The following SNRK variants were observed in gnomAD, a reference collection of about 807,000 sequenced individuals.
SNRK encodes the protein SNF related kinase, also known as SNF-related serine/threonine-protein kinase.
In SNRK, 3 loss-of-function variants were observed where a neutral mutation model predicts 48.2. The observed-to-expected ratio is 0.06, with a 90% CI of 0.03 to 0.16. The LOEUF (loss-of-function observed/expected upper bound fraction) is 0.16, where lower values mean the gene tolerates loss of function less well. SNRK is among the 10% of genes least tolerant of loss of function. SNRK has a pLI of 1.00. For synonymous variants in SNRK, 376 were observed against 366.1 expected, an observed-to-expected ratio of 1.03 and a Z score of -0.31; for missense variants, 627 against 976.0, an observed-to-expected ratio of 0.64 and a Z score of 4.76.
intron 1 of SNRK, among the ~76,000 whole-genome samples, chr3:43,291,585 A>G (rs2090812998): frequency 1.3e-5 from 2 of 152,196 alleles, no homozygotes. Context: ...ACACCCTGCT[A>G]ATATATATTA....
intron 4 of SNRK, among the ~76,000 whole-genome samples, chr3:43,338,123 C>A: frequency 6.6e-6 from 1 of 152,274 alleles, no homozygotes; most frequent in South Asian, 2.1e-4. Context: ...AATAACTTTT[C>A]AAATGCCACA....
intron 3 of SNRK, among the ~76,000 whole-genome samples, chr3:43,306,654 G>A (rs1009357475): frequency 6.6e-6 from 1 of 152,074 alleles, no homozygotes; most frequent in African/African-American, 2.4e-5. Flanking sequence ...CTATTTAGAA[G>A]ACAATTTGGC....
chr3:43,315,469 G>A (rs1334218104), intron 3 of SNRK, among the ~76,000 whole-genome samples: 1 of 152,122 alleles, frequency 6.6e-6, no homozygotes, highest in Non-Finnish European at 1.5e-5. Flanking sequence ...CTTCCCAGAG[G>A]CAGAATTTGT....
At chr3:43,295,032 T>C (rs1488689317) in intron 1 of SNRK, among the ~76,000 whole-genome samples, 1 of 152,248 alleles carries the variant, frequency 6.6e-6, no homozygotes, top group African/African-American at 2.4e-5. Flanking sequence ...ACCATACTAA[T>C]TTTTAAGTCC....
At chr3:43,321,704 ACGGTGTGCG>A in intron 3 of SNRK, among the ~76,000 whole-genome samples, 1 of 152,220 alleles carries the variant, frequency 6.6e-6, no homozygotes, top group Non-Finnish European at 1.5e-5. Context: ...CTTAAAAAAC[ACGGTGTGCG>A]CCTCTCCTTG....
Position 43,286,561 on chromosome 3 carries a change from C to G in SNRK, c.-283C>G, listed in dbSNP as rs1021673343. 2.6e-5 allele frequency: 4 copies of G among 151,014 alleles called. No individual in the cohort carries two copies. Among genetic ancestry groups the G allele is most frequent in the African/African-American group, 7.3e-5 (3 of 41,302 alleles). The allele number at this position is 151,014 out of a possible 1,614,324, so 9.4% of individuals were successfully genotyped here. A position where few individuals can be genotyped will look rare whatever the true frequency, so the allele number is the denominator to read the frequency against. On this transcript the variant is annotated 5_prime_UTR_variant, in exon 1 of 7. Coordinates refer to ENST00000296088, the MANE Select transcript of SNRK (RefSeq NM_017719.5). ...GCGCAGCTACCCGGCACCCCCTCCC[C>G]GCGGCCGGCAGCCCGCTCGGTATTA...
intron 3 of SNRK, among the ~76,000 whole-genome samples, chr3:43,329,743 T>C (rs1353273151): frequency 1.3e-5 from 2 of 152,204 alleles, no homozygotes; most frequent in East Asian, 3.8e-4. Context: ...ATGTATCACA[T>C]CATAACAAGC....
chr3:43,323,207 G>A (rs1353527707), intron 3 of SNRK, among the ~76,000 whole-genome samples: 2 of 152,100 alleles, frequency 1.3e-5, no homozygotes, highest in African/African-American at 4.8e-5. Flanking sequence ...AGACATACAT[G>A]TAAAATGAAA....
intron 3 of SNRK, among the ~76,000 whole-genome samples, chr3:43,314,612 A>C (rs964488999): frequency 1.3e-5 from 2 of 152,188 alleles, no homozygotes; most frequent in Admixed American, 1.3e-4. Context: ...ATGGGTGTCC[A>C]CCAAAAGAAT....
chr3:43,323,231 C>G (rs1304061322), intron 3 of SNRK, among the ~76,000 whole-genome samples: 2 of 152,070 alleles, frequency 1.3e-5, no homozygotes, highest in African/African-American at 4.8e-5. Context: ...TATAAAACTT[C>G]TAGAATAAAA....
In SNRK at chr3:43,299,815, G is replaced by A. The variant is rs535905974; in HGVS notation, c.-107G>A. ...GGATTATTCAGTATGCAGTTTGCAGGGTATGTCTTGGAGACAGTACAAATT... is the reference window on the plus strand; with the variant it reads ...GGATTATTCAGTATGCAGTTTGCAGAGTATGTCTTGGAGACAGTACAAATT... On this transcript the variant is annotated splice_region_variant and 5_prime_UTR_variant, in exon 2 of 7. Transcript: ENST00000296088. 1 of 152,576 alleles carries A rather than the reference G, an allele frequency of 6.6e-6. No individual in the cohort carries two copies. The highest frequency in any genetic ancestry group is 1.9e-4 in the East Asian group (1 of 5,166). 9.5% of individuals were successfully genotyped at this position (152,576 alleles called of 1,614,324 possible).
chr3:43,338,973 C>T (rs186871838), intron 4 of SNRK, among the ~76,000 whole-genome samples: 64 of 152,216 alleles, frequency 4.2e-4, no homozygotes, highest in East Asian at 7.7e-4. Flanking sequence ...CTGAAGTATT[C>T]GCATTCTGAT....
intron 3 of SNRK, among the ~76,000 whole-genome samples, chr3:43,325,169 G>GT (rs1484098623): frequency 2.8e-4 from 43 of 151,884 alleles, no homozygotes; most frequent in Non-Finnish European, 2.7e-4. Context: ...TTTTGGTTTT[G>GT]TTTTTTTTGT....
intron 1 of SNRK, among the ~76,000 whole-genome samples, chr3:43,298,619 A>G (rs2090875159): frequency 1.3e-5 from 2 of 152,148 alleles, no homozygotes. Flanking sequence ...TCCCAAGTGC[A>G]TTTGAACTTT....
chr3:43,309,313 A>G (rs2090960902), intron 3 of SNRK, among the ~76,000 whole-genome samples: 1 of 152,194 alleles, frequency 6.6e-6, no homozygotes, highest in East Asian at 1.9e-4. Context: ...AGTAAGTTTG[A>G]TAAAGCAGTG....
Position 43,347,695 on chromosome 3 carries a change from C to T in SNRK, c.1436C>T (p.Ser479Phe). ...RKPSVTNRLTSRKSAPVLNQI... is the reference protein window; with the variant it reads ...RKPSVTNRLTFRKSAPVLNQI... ...CCATCTGTAACCAACCGCCTGACAT[C>T]CAGGAAGAGTGCGCCCGTCCTCAAC... The change falls in exon 7 of 7, where the codon TCC (serine) becomes TTC (phenylalanine). Residue 479 changes from serine to phenylalanine, a missense_variant. Ser to Phe is a radical substitution (Grantham distance 155). This residue lies in a region of SNRK where 98 missense variants were observed against 175.2 expected (regional missense o/e 0.56). Transcript: ENST00000296088. This position sits in a 1 kb window ranked among gnomAD's most constrained non-coding sequence, Gnocchi z 5.4. 6.2e-7 allele frequency: 1 copy of T among 1,613,836 alleles called. No homozygotes were observed. Among genetic ancestry groups the T allele is most frequent in the Non-Finnish European group, 8.5e-7 (1 of 1,180,030 alleles).
chr3:43,335,858 T>C (rs1204217282), intron 4 of SNRK, among the ~76,000 whole-genome samples: 1 of 152,246 alleles, frequency 6.6e-6, no homozygotes, highest in Non-Finnish European at 1.5e-5. Context: ...CTGTGTTGTC[T>C]AATTTCAGCC....
At chr3:43,342,946 AAC>A (rs1385588046) in intron 5 of SNRK, among the ~76,000 whole-genome samples, 1 of 152,238 alleles carries the variant, frequency 6.6e-6, no homozygotes, top group Non-Finnish European at 1.5e-5. Flanking sequence ...ACATTCATGT[AAC>A]ACAGACTTCG....
chr3:43,346,103 A>G (rs919973667), intron 6 of SNRK, among the ~76,000 whole-genome samples: 2 of 152,232 alleles, frequency 1.3e-5, no homozygotes, highest in Non-Finnish European at 2.9e-5. Context: ...GACTGCACCC[A>G]GATAGTTCTG....
Sources: allele counts gnomAD v4.1 joint callset (sites outside exome capture counted in the v4.1 genomes callset), GRCh38; gene constraint gnomAD v4.1.1; regional missense constraint gnomAD v4.1.1; non-coding constraint Gnocchi (gnomAD v3.1); transcripts MANE v1.5; gene names NCBI Gene and HGNC (gene_info 2026-07-23, HGNC 2026-07-21).